The following STYK1 variants were observed in gnomAD, a reference collection of about 807,000 sequenced individuals.
The protein encoded by STYK1 is tyrosine-protein kinase STYK1.
In STYK1, 46 loss-of-function variants were observed where a neutral mutation model predicts 48.1. The observed-to-expected ratio is 0.96, with a 90% CI of 0.75 to 1.22. The LOEUF (loss-of-function observed/expected upper bound fraction) is 1.22, where lower values mean the gene tolerates loss of function less well. STYK1 is among the 50% of genes most tolerant of loss of function. The probability of loss-of-function intolerance (pLI) is 0.00; values close to 1 mark genes in which losing one functional copy is unlikely to be tolerated. For synonymous variants in STYK1, 188 were observed against 189.0 expected, an observed-to-expected ratio of 0.99 and a Z score of 0.04; for missense variants, 527 against 521.1, an observed-to-expected ratio of 1.01 and a Z score of -0.11.
At chr12:10,655,074 A>C (rs911355556) in intron 1 of STYK1, among the ~76,000 whole-genome samples, 2 of 152,174 alleles carry the variant, frequency 1.3e-5, no homozygotes, top group Admixed American at 6.5e-5. Context: ...ACTCTCTTGC[A>C]ACGTTTTAAT....
chr12:10,632,521 A>C (rs1363148143), intron 4 of STYK1, among the ~76,000 whole-genome samples: 1 of 152,158 alleles, frequency 6.6e-6, no homozygotes, highest in Non-Finnish European at 1.5e-5. Flanking sequence ...AGGCCATGGA[A>C]AAAATTTTGT....
intron 1 of STYK1, among the ~76,000 whole-genome samples, chr12:10,669,607 C>T (rs1220402132): frequency 6.6e-6 from 1 of 151,736 alleles, no homozygotes; most frequent in Non-Finnish European, 1.5e-5. Flanking sequence ...AAAGCACAGG[C>T]AACAAAAGCA....
intron 2 of STYK1, among the ~76,000 whole-genome samples, chr12:10,636,177 T>G (rs1309799150): frequency 6.6e-6 from 1 of 152,220 alleles, no homozygotes; most frequent in Non-Finnish European, 1.5e-5. Context: ...GCAGAATCTC[T>G]CAGTGCCTGA....
intron 8 of STYK1, among the ~76,000 whole-genome samples, chr12:10,623,871 T>C (rs1947326703): frequency 6.6e-6 from 1 of 152,194 alleles, no homozygotes; most frequent in South Asian, 2.1e-4. Flanking sequence ...TAACTTCATT[T>C]GGGAAACTCA....
intron 1 of STYK1, among the ~76,000 whole-genome samples, chr12:10,639,725 T>C (rs1947523557): frequency 6.6e-6 from 1 of 152,058 alleles, no homozygotes; most frequent in African/African-American, 2.4e-5. Flanking sequence ...AATTAGCCAC[T>C]TTTTAAAAAA....
chr12:10,658,633 G>A (rs2418090), intron 1 of STYK1, among the ~76,000 whole-genome samples: 83,441 of 151,840 alleles, frequency 0.55, 23,612 homozygotes, highest in East Asian at 0.79. Context: ...TAATCTTTTC[G>A]TATTAGGTCC....
At chr12:10,629,428 A>G (rs778850499) in intron 6 of STYK1, 65 bp downstream of exon 6, 1 of 1,533,110 alleles carries the variant, frequency 6.5e-7, no homozygotes, top group East Asian at 2.3e-5. Flanking sequence ...ACACTAACTG[A>G]CATGTAAAAA....
Position 10,631,216 on chromosome 12 carries a change from T to C in STYK1, c.280A>G (p.Asn94Asp). Reference sequence around the variant, plus strand: ...GCAGGTGTGGTAGCTCCCAGAAAGTTTTCCACGGATGTCTCCTTAAGTGGC... The same window carrying C: ...GCAGGTGTGGTAGCTCCCAGAAAGTCTTCCACGGATGTCTCCTTAAGTGGC... ...ALPLKETSVE[N>D]FLGATTPALA... is the part of the protein sequence containing the mutation. The change falls in exon 5 of 11, where the codon AAC becomes GAC. Residue 94 changes from asparagine (N) to aspartate (D), a missense_variant. Physicochemically the swap from Asn to Asp is conservative, Grantham distance 23 (BLOSUM62 1). Transcript: ENST00000075503. 1 of 1,614,174 alleles carries C rather than the reference T, an allele frequency of 6.2e-7. No homozygotes were observed. The highest frequency in any genetic ancestry group is 8.5e-7 in the Non-Finnish European group (1 of 1,180,026).
At chr12:10,621,598 A>C (rs765886068) in intron 10 of STYK1, among the ~76,000 whole-genome samples, 4 of 152,128 alleles carry the variant, frequency 2.6e-5, no homozygotes, top group Non-Finnish European at 5.9e-5. Flanking sequence ...AAACTATAAT[A>C]AAATTAGATT....
At chr12:10,649,631 G>T (rs1454685126) in intron 1 of STYK1, among the ~76,000 whole-genome samples, 19 of 152,152 alleles carry the variant, frequency 1.2e-4, no homozygotes, top group Admixed American at 1.2e-3. Flanking sequence ...CAAATGGAAT[G>T]AATTAAGCCT....
chr12:10,673,855 CT>C, intron 1 of STYK1, 110 bp downstream of exon 1: 1 of 152,590 alleles, frequency 6.6e-6, no homozygotes, highest in Non-Finnish European at 1.5e-5. Context: ...AGCCTCTTCC[CT>C]TTTTCTCCCT....
At chr12:10,656,895 C>T (rs1228785635) in intron 1 of STYK1, among the ~76,000 whole-genome samples, 1 of 152,154 alleles carries the variant, frequency 6.6e-6, no homozygotes, top group African/African-American at 2.4e-5. Context: ...TGTTATCTGA[C>T]AGTTTTGACT....
At chr12:10,631,373 G>C in intron 4 of STYK1, 65 bp from the exon 5 acceptor site, 4 of 1,573,174 alleles carry the variant, frequency 2.5e-6, no homozygotes, top group Non-Finnish European at 3.5e-6. Flanking sequence ...AGCAGACCCT[G>C]AAACAAATTG....
At chr12:10,648,219 C>T (rs1437027617) in intron 1 of STYK1, among the ~76,000 whole-genome samples, 1 of 152,052 alleles carries the variant, frequency 6.6e-6, no homozygotes, top group African/African-American at 2.4e-5. Context: ...TTTTGATTCA[C>T]CTGTACACAA....
In STYK1 at chr12:10,622,615, A is replaced by G. The variant is rs776071137; in HGVS notation, c.967+23T>C. On this transcript the variant is annotated intron_variant, in intron 9 of 10. Coordinates refer to ENST00000075503, the MANE Select transcript of STYK1 (RefSeq NM_018423.3). ...CTTGCATATTTGCATACAGGTACAC[A>G]CTATTTTGGGGCTCATCCTTACCTA... The G allele has an allele frequency of 4.3e-6, 7 of 1,613,710 alleles. No homozygotes were observed. The African/African-American group carries it at 8.0e-5, about 18-fold the overall frequency.
chr12:10,665,006 GTGGGACCTTCCAATCAT>G lies in STYK1; in HGVS notation c.-195+8943_-195+8959del, dbSNP rs371778680. On this transcript the variant is annotated intron_variant, in intron 1 of 10. Coordinates refer to ENST00000075503, the MANE Select transcript of STYK1 (RefSeq NM_018423.3). The stretch of plus-strand genomic sequence containing the variant: ...AAATGAATCAGAGATCTAATCAGAT[GTGGGACCTTCCAATCAT>G]GAATCCATTAATTAGACTGTCCCTA... Among the ~76,000 whole-genome samples the G allele has an allele frequency of 2.5e-3, 377 of 152,314 alleles. 2 individuals are homozygous for G. The highest frequency in any genetic ancestry group is 8.7e-3 in the African/African-American group (362 of 41,560).
intron 10 of STYK1, among the ~76,000 whole-genome samples, chr12:10,621,291 G>T (rs560232532): frequency 6.6e-6 from 1 of 151,990 alleles, no homozygotes; most frequent in Non-Finnish European, 1.5e-5. Context: ...TTCACTAACT[G>T]TCCCAATCTG....
Position 10,621,946 on chromosome 12 carries a change from G to C in STYK1, c.994C>G (p.Pro332Ala). ...TGGAGATGCTCTAGGATGCTGGTAG[G>C]AGGGACTTCAGGATACGGTGGTGCT... Reference protein sequence around the residue: ...LGAPPYPEVPPTSILEHLQRR... With the variant: ...LGAPPYPEVPATSILEHLQRR... The change falls in exon 10 of 11, where the codon CCT becomes GCT. Residue 332 changes from proline to alanine, a missense_variant. Physicochemically the swap from Pro to Ala is conservative, Grantham distance 27. Coordinates refer to ENST00000075503, the MANE Select transcript of STYK1 (RefSeq NM_018423.3). 1 of 1,613,886 alleles carries C rather than the reference G, an allele frequency of 6.2e-7. No individual in the cohort carries two copies. Among genetic ancestry groups the C allele is most frequent in the Non-Finnish European group, 8.5e-7 (1 of 1,179,840 alleles).
intron 10 of STYK1, 110 bp downstream of exon 10, chr12:10,621,766 G>T (rs1000132673): frequency 3.5e-5 from 31 of 896,090 alleles, no homozygotes; most frequent in African/African-American, 3.3e-4. Flanking sequence ...CTGTACATGG[G>T]TACATATACA....
Sources: allele counts gnomAD v4.1 joint callset (sites outside exome capture counted in the v4.1 genomes callset), GRCh38; gene constraint gnomAD v4.1.1; transcripts MANE v1.5; gene names NCBI Gene and HGNC (gene_info 2026-07-23, HGNC 2026-07-21).